The following TTYH1 variants were observed in gnomAD, a reference collection of about 807,000 sequenced individuals.
TTYH1 encodes the protein tweety family member 1, also known as protein tweety homolog 1.
In TTYH1, 33 loss-of-function variants were observed where a neutral mutation model predicts 61.2. That is an observed-to-expected ratio of 0.54 (90% CI 0.41 to 0.72). TTYH1 has a LOEUF of 0.72. Among genes scored for constraint, TTYH1 ranks in the 30% least tolerant of loss-of-function variants. The probability of loss-of-function intolerance (pLI) is 0.00; values close to 1 mark genes in which losing one functional copy is unlikely to be tolerated. For missense variants in TTYH1, 538 were observed against 575.8 expected, an observed-to-expected ratio of 0.93 and a Z score of 0.67; for synonymous variants, 308 against 266.4, an observed-to-expected ratio of 1.16 and a Z score of -1.52.
At chr19:54,417,557 GCA>G (rs1383639445) in intron 1 of TTYH1, among the ~76,000 whole-genome samples, 2 of 151,678 alleles carry the variant, frequency 1.3e-5, no homozygotes, top group African/African-American at 4.9e-5. Context: ...CGCACATTGC[GCA>G]CAGTGACTCA....
chr19:54,435,397 C>T (rs1410919796), intron 10 of TTYH1, 145 bp from the exon 11 acceptor site: 2 of 995,064 alleles, frequency 2.0e-6, no homozygotes, highest in Non-Finnish European at 1.5e-6. Context: ...CTCAGAACTG[C>T]CCTTTGACAG....
chr19:54,415,815 A>G lies in TTYH1; in HGVS notation c.126+137A>G. Reference sequence around the variant, plus strand: ...GCCGGCCCGGACTTTGGGGTTTCGGAGGGAGGAGGAGCCTGGGGGCGCCCA... The same window carrying G: ...GCCGGCCCGGACTTTGGGGTTTCGGGGGGAGGAGGAGCCTGGGGGCGCCCA... On this transcript the variant is annotated intron_variant, in intron 1 of 13. Transcript: ENST00000376530. This position sits in a 1 kb window ranked among gnomAD's most constrained non-coding sequence, Gnocchi z 5.2. 2 of 1,060,184 alleles carry G rather than the reference A, an allele frequency of 1.9e-6. No individual in the cohort carries two copies. Among genetic ancestry groups the G allele is most frequent in the Non-Finnish European group, 1.3e-6 (1 of 770,126 alleles). 65.7% of individuals were successfully genotyped at this position (1,060,184 alleles called of 1,614,324 possible). A position where few individuals can be genotyped will look rare whatever the true frequency, so the allele number is the denominator to read the frequency against.
In TTYH1 at chr19:54,422,367, C is replaced by A. The variant is rs562278536; in HGVS notation, c.595C>A (p.Pro199Thr). 3 of 1,574,640 alleles carry A rather than the reference C, an allele frequency of 1.9e-6. No individual in the cohort carries two copies. The highest frequency in any genetic ancestry group is 2.6e-6 in the Non-Finnish European group (3 of 1,160,564). ...CTTCTGGCAGGGAGTGCCCCTGAGC[C>A]CCCTGCAGGTGGCTGAAAATGTGTC... ...LAFWQGVPLSPLQVAENVSFV... is the reference protein window; with the variant it reads ...LAFWQGVPLSTLQVAENVSFV... Residue 199 changes from proline to threonine, a missense_variant, in exon 4 of 14, where the codon CCC becomes ACC. Around this residue, in one of 3 missense-constraint regions of TTYH1, gnomAD observed 378 missense variants for 401.2 expected, o/e 0.94. Transcript: ENST00000376530.
rs551452038 is a variant in TTYH1 at position 54,429,568 on chromosome 19, A to T, written c.807+189A>T. 1.3e-5 allele frequency among the ~76,000 whole-genome samples: 2 copies of T among 151,836 alleles called. No individual in the cohort carries two copies. Among genetic ancestry groups the T allele is most frequent in the Admixed American group, 1.3e-4 (2 of 15,250 alleles). ...TGGTGTCCTGGACGTTTGAGCTGTA[A>T]TGGAGGAGGGGCTGGAAACCTGGAT... On this transcript the variant is annotated intron_variant, in intron 6 of 13. Coordinates refer to ENST00000376530, the MANE Select transcript of TTYH1 (RefSeq NM_020659.4). The surrounding 1 kb of genome is among the most constrained non-coding windows in gnomAD (Gnocchi z 5.1).
rs2083420560 is a variant in TTYH1 at position 54,430,729 on chromosome 19, C to A, written c.940-84C>A. 3.2e-6 allele frequency: 5 copies of A among 1,579,320 alleles called. No homozygotes were observed. The Admixed American group carries it at 5.1e-5, about 16-fold the overall frequency. ...TTCCGGGGAGGATGCAGGCCAGGGGCCCGAGTGCTGTGTCCGGAGGAGAGG... is the reference window on the plus strand; with the variant it reads ...TTCCGGGGAGGATGCAGGCCAGGGGACCGAGTGCTGTGTCCGGAGGAGAGG... On this transcript the variant is annotated intron_variant, in intron 8 of 13. Coordinates refer to ENST00000376530, the MANE Select transcript of TTYH1 (RefSeq NM_020659.4).
In TTYH1 at chr19:54,431,142, G is replaced by A. The variant is rs2083434595; in HGVS notation, c.1076G>A (p.Gly359Glu). 6.2e-7 allele frequency: 1 copy of A among 1,614,052 alleles called. No homozygotes were observed. Among genetic ancestry groups the A allele is most frequent in the Non-Finnish European group, 8.5e-7 (1 of 1,179,976 alleles). ...SLEETLNVTEGNFHQLVALLH... is the reference protein window; with the variant it reads ...SLEETLNVTEENFHQLVALLH... ...GAGGAGACTCTGAATGTGACAGAAG[G>A]AAATTTCCACCAGTTGGTGGCACTG... Residue 359 changes from glycine to glutamate, a missense_variant, in exon 10 of 14, where the codon GGA becomes GAA. Around this residue, in one of 3 missense-constraint regions of TTYH1, gnomAD observed 378 missense variants for 401.2 expected, o/e 0.94. Coordinates refer to ENST00000376530, the MANE Select transcript of TTYH1 (RefSeq NM_020659.4).
intron 5 of TTYH1, among the ~76,000 whole-genome samples, chr19:54,428,398 T>C (rs941928192): frequency 6.6e-6 from 1 of 151,870 alleles, no homozygotes; most frequent in African/African-American, 2.4e-5. Flanking sequence ...CTAAGTTTTG[T>C]ATATTTTTGT....
Position 54,423,790 on chromosome 19 carries a change from C to T in TTYH1, c.638+1380C>T, listed in dbSNP as rs148193843. Among the ~76,000 whole-genome samples, 64 of 152,256 alleles carry T rather than the reference C, an allele frequency of 4.2e-4. 1 individual carries two copies. Among genetic ancestry groups the T allele is most frequent in the African/African-American group, 1.5e-3 (64 of 41,544 alleles). On this transcript the variant is annotated intron_variant, in intron 4 of 13. Coordinates refer to ENST00000376530, the MANE Select transcript of TTYH1 (RefSeq NM_020659.4). ...GGCAGAAATCCCTGCCACGTGGCTG[C>T]GTCCTCCGGGGGGAACCAGCAAGGG...
rs2083397260 is a variant in TTYH1, at chr19:54,429,726, G to A, written c.808-156G>A. On this transcript the variant is annotated intron_variant, in intron 6 of 13. Transcript: ENST00000376530. The surrounding 1 kb of genome is among the most constrained non-coding windows in gnomAD (Gnocchi z 5.1). ...TGAACCCCTGAGTCTGAGGGACGAG[G>A]GGCCTGGGGCCTGGACTCCTGAGTC... Among the ~76,000 whole-genome samples, 1 of 151,830 alleles carries A rather than the reference G, an allele frequency of 6.6e-6. No individual in the cohort carries two copies. The highest frequency in any genetic ancestry group is 1.5e-5 in the Non-Finnish European group (1 of 67,926).
chr19:54,435,587 G>A lies in TTYH1; in HGVS notation c.1171G>A (p.Gly391Ser). The A allele has an allele frequency of 3.1e-6, 5 of 1,610,884 alleles. No homozygotes were observed. The highest frequency in any genetic ancestry group is 4.2e-6 in the Non-Finnish European group (5 of 1,179,648). ...LRGLCEDALE[G>S]LLFLLLFSLL... ...GGGCCTGTGCGAAGACGCCCTGGAA[G>A]GCCTGCTCTTCCTGCTACTCTTCTC... is the stretch of plus-strand genomic sequence containing the variant. Residue 391 changes from glycine (G) to serine (S), a missense_variant, in exon 11 of 14, where the codon GGC (glycine) becomes AGC (serine). Physicochemically the swap from Gly to Ser is moderately conservative, Grantham distance 56. Transcript: ENST00000376530.
Position 54,416,993 on chromosome 19 carries a change from C to T in TTYH1, c.126+1315C>T. On this transcript the variant is annotated intron_variant, in intron 1 of 13. Transcript: ENST00000376530. The surrounding 1 kb of genome is among the most constrained non-coding windows in gnomAD (Gnocchi z 7.0). ...TCAGGGTCAGGGTGGCAGGGATGCGCGGGCAGAGCCCCACAGCCGAGGAGG... is the reference window on the plus strand; with the variant it reads ...TCAGGGTCAGGGTGGCAGGGATGCGTGGGCAGAGCCCCACAGCCGAGGAGG... 5.0e-6 allele frequency: 6 copies of T among 1,199,626 alleles called. No homozygotes were observed. The highest frequency in any genetic ancestry group is 6.3e-6 in the Non-Finnish European group (6 of 946,344). 74.3% of individuals were successfully genotyped at this position (1,199,626 alleles called of 1,614,324 possible).
chr19:54,426,791 C>T, intron 5 of TTYH1, 23 bp downstream of exon 5: 1 of 1,605,114 alleles, frequency 6.2e-7, no homozygotes, highest in Non-Finnish European at 8.5e-7. Context: ...AGTAGGGGGA[C>T]CCAGTGCTTG....
At position 54,419,218 on chromosome 19, in the gene TTYH1, C is replaced by A; in HGVS notation, c.217C>A (p.Arg73=). The change falls in exon 2 of 14, where the codon CGG becomes AGG. Residue 73 remains arginine, a synonymous_variant. Transcript: ENST00000376530. This position sits in a 1 kb window ranked among gnomAD's most constrained non-coding sequence, Gnocchi z 6.1. ...CTACCTCATCCGCTTCTGCTGCTGC[C>A]GGCCCCCCGAGCCCCCCGGGTCCAA... ...AVYLIRFCCC[R]PPEPPGSKIP... 2 of 1,610,922 alleles carry A rather than the reference C, an allele frequency of 1.2e-6. No homozygotes were observed. Among genetic ancestry groups the A allele is most frequent in the Non-Finnish European group, 1.7e-6 (2 of 1,179,978 alleles).
rs2083100553 is a variant in TTYH1, at chr19:54,417,218, C to T, written c.126+1540C>T. ...TATGCACAGGCACACCCAGACACGC[C>T]CACTTATTCCAACACACTCACATGC... On this transcript the variant is annotated intron_variant, in intron 1 of 13. Coordinates refer to ENST00000376530, the MANE Select transcript of TTYH1 (RefSeq NM_020659.4). 2.0e-5 allele frequency among the ~76,000 whole-genome samples: 3 copies of T among 151,468 alleles called. No individual in the cohort carries two copies. In the South Asian group the frequency reaches 6.3e-4, roughly 32 times the overall value.
chr19:54,426,346 AG>A (rs1417491014), intron 4 of TTYH1: 2 of 352,366 alleles, frequency 5.7e-6, no homozygotes, highest in East Asian at 1.0e-4. Flanking sequence ...TCCACTCTGC[AG>A]GGTGGGGTTG....
Position 54,426,771 on chromosome 19 carries a change from A to G in TTYH1, c.734+3A>G, listed in dbSNP as rs764787483. 1.2e-6 allele frequency: 2 copies of G among 1,613,206 alleles called. No individual in the cohort carries two copies. Among genetic ancestry groups the G allele is most frequent in the Non-Finnish European group, 1.7e-6 (2 of 1,179,768 alleles). On this transcript the variant is annotated splice_donor_region_variant and intron_variant, in intron 5 of 13. Transcript: ENST00000376530. ...CAGAGCAAGTGGCTGGTGATCGTGT[A>G]AGTGCAGGCAGTAGGGGGACCCAGT...
chr19:54,431,014 G>T (rs111737429), intron 9 of TTYH1, 85 bp from the exon 10 acceptor site: 30 of 1,420,690 alleles, frequency 2.1e-5, no homozygotes, highest in African/African-American at 1.8e-4. Flanking sequence ...GGGGCCTTGG[G>T]TTGTGGGCGG....
chr19:54,429,368 GCCACGGC>G lies in TTYH1; in HGVS notation c.798_804del (p.Thr267TrpfsTer15). ...CTGGGGCTCCATGGGCCTGGAGGCA[GCCACGGC>G]CGTGGTGAGTGCCAGGGCCGGGCCA... On this transcript the variant is annotated frameshift_variant, in exon 6 of 14. Transcript: ENST00000376530. LOFTEE classifies it high-confidence loss of function. This position sits in a 1 kb window ranked among gnomAD's most constrained non-coding sequence, Gnocchi z 5.1. The G allele has an allele frequency of 6.2e-7, 1 of 1,613,878 alleles. No homozygotes were observed. The highest frequency in any genetic ancestry group is 8.5e-7 in the Non-Finnish European group (1 of 1,179,980).
chr19:54,423,757 G>A (rs2083266476), intron 4 of TTYH1, among the ~76,000 whole-genome samples: 1 of 151,990 alleles, frequency 6.6e-6, no homozygotes, highest in African/African-American at 2.4e-5. Context: ...GCCGGGCAGT[G>A]AGCAAGTGGC....
Sources: gnomAD v4.1 joint callset for allele counts (sites outside exome capture counted in the v4.1 genomes callset) on GRCh38, gnomAD v4.1.1 for gene constraint, gnomAD v4.1.1 regional missense constraint, Gnocchi (gnomAD v3.1) non-coding constraint, MANE v1.5 for transcripts, NCBI Gene and HGNC (gene_info 2026-07-23, HGNC 2026-07-21) for gene names.